Variants in OSBP2 observed in about 807,000 individuals in gnomAD.
The protein encoded by OSBP2 is oxysterol binding protein 2.
Under a neutral mutation model 96.0 loss-of-function variants are expected in OSBP2, and 66 were observed. The observed-to-expected ratio is 0.69, with a 90% CI of 0.56 to 0.84. The LOEUF is 0.84. OSBP2 is among the 40% of genes least tolerant of loss of function. OSBP2 has a pLI of 0.00. For synonymous variants in OSBP2, 525 were observed against 520.9 expected, an observed-to-expected ratio of 1.01 and a Z score of -0.11; for missense variants, 1,038 against 1,222.7, an observed-to-expected ratio of 0.85 and a Z score of 2.25.
At chr22:30,840,382 T>C (rs1437293618) in intron 2 of OSBP2, among the ~76,000 whole-genome samples, 1 of 151,940 alleles carries the variant, frequency 6.6e-6, no homozygotes, top group East Asian at 1.9e-4. Flanking sequence ...CCCTCAAGGT[T>C]TTTTCTTGTT....
At chr22:30,862,706 G>A (rs1360452352) in intron 2 of OSBP2, among the ~76,000 whole-genome samples, 4 of 151,856 alleles carry the variant, frequency 2.6e-5, no homozygotes, top group Non-Finnish European at 4.4e-5. Flanking sequence ...AGGCGCGGTG[G>A]CTTGTGCCTG....
At chr22:30,895,717 T>A (rs1372543466) in intron 12 of OSBP2, among the ~76,000 whole-genome samples, 3 of 151,930 alleles carry the variant, frequency 2.0e-5, no homozygotes, top group Non-Finnish European at 4.4e-5. Flanking sequence ...GGCAAGCAGA[T>A]CACTTGAGGT....
intron 2 of OSBP2, among the ~76,000 whole-genome samples, chr22:30,806,700 G>T (rs1308188959): frequency 1.3e-5 from 2 of 152,092 alleles, no homozygotes; most frequent in Non-Finnish European, 2.9e-5. Flanking sequence ...GGGAAGCCTG[G>T]GTGTTGCTGG....
At chr22:30,829,286 T>C (rs777738132) in intron 2 of OSBP2, among the ~76,000 whole-genome samples, 11 of 152,130 alleles carry the variant, frequency 7.2e-5, no homozygotes, top group African/African-American at 2.2e-4. Context: ...CCCCTACTTA[T>C]TTTTTGTTTA....
chr22:30,709,681 A>G (rs1453226038), intron 1 of OSBP2, among the ~76,000 whole-genome samples: 3 of 151,512 alleles, frequency 2.0e-5, no homozygotes, highest in Admixed American at 1.3e-4. Context: ...GCACCTGGCC[A>G]AATTAGTCTA....
In OSBP2 at chr22:30,897,413, A is replaced by G. The variant is rs147599977; in HGVS notation, c.2375+3412A>G. On this transcript the variant is annotated intron_variant, in intron 12 of 13. Coordinates refer to ENST00000332585, the MANE Select transcript of OSBP2 (RefSeq NM_030758.4). ...AACTCTGAGAACATATTTTTTCTCA[A>G]GTATACATGGAATGTATGCAAAAAC... 4.8e-3 allele frequency among the ~76,000 whole-genome samples: 733 copies of G among 152,334 alleles called. 1 individual carries two copies. The highest frequency in any genetic ancestry group is 0.017 in the Middle Eastern group (5 of 294).
chr22:30,810,223 C>G (rs2090987600), intron 2 of OSBP2, among the ~76,000 whole-genome samples: 1 of 152,022 alleles, frequency 6.6e-6, no homozygotes, highest in Admixed American at 6.6e-5. Flanking sequence ...GGTTAGAAGA[C>G]AGTGGATGTG....
chr22:30,815,515 G>C lies in OSBP2; in HGVS notation c.854-54914G>C, dbSNP rs781278133. Among the ~76,000 whole-genome samples, 40 of 152,162 alleles carry C rather than the reference G, an allele frequency of 2.6e-4. 2 individuals are homozygous for C. Among genetic ancestry groups the C allele is most frequent in the Non-Finnish European group, 1.3e-4 (9 of 68,036 alleles). ...TGTTACATTTTTACTGTTGCAGTGG[G>C]AAAGACTGCATGGTGTGATAGAGCA... is the stretch of plus-strand genomic sequence containing the variant. On this transcript the variant is annotated intron_variant, in intron 2 of 13. Coordinates refer to ENST00000332585, the MANE Select transcript of OSBP2 (RefSeq NM_030758.4).
chr22:30,864,015 G>A (rs1487106604), intron 2 of OSBP2, among the ~76,000 whole-genome samples: 1 of 151,118 alleles, frequency 6.6e-6, no homozygotes, highest in Non-Finnish European at 1.5e-5. Context: ...CTGTCGCCCA[G>A]GCTGGAGTGC....
At chr22:30,834,854 C>T (rs1263924717) in intron 2 of OSBP2, among the ~76,000 whole-genome samples, 3 of 150,270 alleles carry the variant, frequency 2.0e-5, no homozygotes, top group East Asian at 2.0e-4. Flanking sequence ...CTCGCTTGGT[C>T]GCCCAGGCTG....
At chr22:30,826,034 C>A (rs114017249) in intron 2 of OSBP2, among the ~76,000 whole-genome samples, 1 of 152,198 alleles carries the variant, frequency 6.6e-6, no homozygotes, top group African/African-American at 2.4e-5. Flanking sequence ...AACGGTGCAT[C>A]GGCCTCTGTG....
chr22:30,874,373 C>T (rs1387163943), intron 3 of OSBP2, among the ~76,000 whole-genome samples: 1 of 152,114 alleles, frequency 6.6e-6, no homozygotes, highest in South Asian at 2.1e-4. Flanking sequence ...GATCACGCCA[C>T]TGCACTCCAG....
At chr22:30,793,968 C>G (rs995448802) in intron 2 of OSBP2, among the ~76,000 whole-genome samples, 2 of 152,186 alleles carry the variant, frequency 1.3e-5, no homozygotes, top group African/African-American at 2.4e-5. Flanking sequence ...CATCCATACA[C>G]TGGAATATTA....
At chr22:30,837,560 C>T (rs1489062879) in intron 2 of OSBP2, among the ~76,000 whole-genome samples, 1 of 152,170 alleles carries the variant, frequency 6.6e-6, no homozygotes, top group African/African-American at 2.4e-5. Context: ...TCTCTTGGTG[C>T]CTAGCTCAGA....
At chr22:30,872,395 G>A (rs777830825) in intron 3 of OSBP2, 16 of 456,260 alleles carry the variant, frequency 3.5e-5, no homozygotes, top group African/African-American at 6.0e-5. Flanking sequence ...TGGCTTTTCC[G>A]AGATAATGAG....
At chr22:30,727,998 G>A (rs1351759815) in intron 1 of OSBP2, among the ~76,000 whole-genome samples, 1 of 151,870 alleles carries the variant, frequency 6.6e-6, no homozygotes, top group African/African-American at 2.4e-5. Context: ...CTAGCTACTC[G>A]GGAGGCTGAG....
At chr22:30,888,426 T>C (rs1254239836) in intron 5 of OSBP2, 86 bp downstream of exon 5, 2 of 862,932 alleles carry the variant, frequency 2.3e-6, no homozygotes, top group Admixed American at 1.9e-5. Context: ...AGTTGTCTAC[T>C]TGGGGTTTTC....
intron 3 of OSBP2, among the ~76,000 whole-genome samples, chr22:30,877,084 C>G (rs932142092): frequency 1.3e-5 from 2 of 152,104 alleles, no homozygotes; most frequent in East Asian, 3.9e-4. Context: ...GTATCTCTCA[C>G]AATCCCCGTA....
At chr22:30,830,142 T>C (rs1381216308) in intron 2 of OSBP2, among the ~76,000 whole-genome samples, 2 of 152,218 alleles carry the variant, frequency 1.3e-5, no homozygotes, top group African/African-American at 2.4e-5. Context: ...CTGGTTTTCC[T>C]ATAAAGTGCC....
Sources: gnomAD v4.1 joint callset for allele counts (sites outside exome capture counted in the v4.1 genomes callset) on GRCh38, gnomAD v4.1.1 for gene constraint, MANE v1.5 for transcripts, NCBI Gene and HGNC (gene_info 2026-07-23, HGNC 2026-07-21) for gene names.